The following COL4A6 variants were observed in gnomAD, a reference collection of about 807,000 sequenced individuals.
COL4A6 encodes the protein collagen type IV alpha 6 chain.
In COL4A6, 59 loss-of-function variants were observed where a neutral mutation model predicts 126.7. The ratio of observed to expected loss-of-function variants is 0.47; its 90% CI spans 0.38 to 0.58. COL4A6 has a LOEUF of 0.58. COL4A6 is among the 20% of genes least tolerant of loss of function. COL4A6 has a pLI of 0.00. For synonymous variants in COL4A6, 547 were observed against 496.6 expected (o/e 1.10, Z -1.35); for missense variants, 1,285 against 1,337.3 (o/e 0.96, Z 0.61).
chrX:108,388,517 T>C (rs1438292524), intron 2 of COL4A6, among the ~76,000 whole-genome samples: 1 of 112,226 alleles, frequency 8.9e-6, no homozygotes, highest in Non-Finnish European at 1.9e-5. Flanking sequence ...GTGTTTATAG[T>C]ATTCTCTGAC....
intron 3 of COL4A6, among the ~76,000 whole-genome samples, chrX:108,298,760 T>C (rs752907836): frequency 2.7e-4 from 30 of 109,132 alleles, no homozygotes; most frequent in Admixed American, 1.1e-3. Flanking sequence ...ACTTGCCACA[T>C]TGCAGGCTCT....
chrX:108,434,804 T>A (rs1318707162), intron 2 of COL4A6, among the ~76,000 whole-genome samples: 1 of 108,135 alleles, frequency 9.2e-6, no homozygotes, highest in East Asian at 2.8e-4. Context: ...TATACACACA[T>A]ACACACACGT....
chrX:108,371,759 T>TAAAC (rs753441227), intron 2 of COL4A6, among the ~76,000 whole-genome samples: 2 of 91,476 alleles, frequency 2.2e-5, no homozygotes, highest in East Asian at 3.5e-4. Flanking sequence ...CCTTTCTCAA[T>TAAAC]AAACAAACAA....
intron 3 of COL4A6, among the ~76,000 whole-genome samples, chrX:108,306,109 G>T (rs750774509): frequency 1.8e-5 from 2 of 112,092 alleles, no homozygotes; most frequent in African/African-American, 3.2e-5. Flanking sequence ...AGTAGGAAAA[G>T]AACTAGGAAA....
chrX:108,265,753 G>C (rs1210337354), intron 3 of COL4A6, among the ~76,000 whole-genome samples: 2 of 110,696 alleles, frequency 1.8e-5, no homozygotes, highest in African/African-American at 6.6e-5. Context: ...GCTGAGGATA[G>C]AGAGAGAGAT....
At chrX:108,365,589 T>C (rs1437446839) in intron 2 of COL4A6, among the ~76,000 whole-genome samples, 3 of 111,824 alleles carry the variant, frequency 2.7e-5, no homozygotes, top group Non-Finnish European at 5.6e-5. Flanking sequence ...TTGAAAACAA[T>C]AGTTTTCAGT....
At chrX:108,398,889 A>G (rs774670446) in intron 2 of COL4A6, among the ~76,000 whole-genome samples, 31 of 111,800 alleles carry the variant, frequency 2.8e-4, no homozygotes, top group Non-Finnish European at 4.5e-4. Context: ...TAAGAGTCAA[A>G]CAAGAGGGAA....
chrX:108,223,582 A>G (rs1286346191), intron 3 of COL4A6, among the ~76,000 whole-genome samples: 4 of 111,254 alleles, frequency 3.6e-5, no homozygotes, highest in Non-Finnish European at 5.7e-5. Context: ...TTGATTGGAA[A>G]GGTTCCAGCT....
At chrX:108,315,575 A>T (rs2038864037) in intron 2 of COL4A6, among the ~76,000 whole-genome samples, 1 of 112,154 alleles carries the variant, frequency 8.9e-6, no homozygotes, top group Admixed American at 9.4e-5. Flanking sequence ...AACCCTAAAT[A>T]TTGCTAAATA....
chrX:108,299,260 C>G (rs2038418497), intron 3 of COL4A6, among the ~76,000 whole-genome samples: 1 of 111,830 alleles, frequency 8.9e-6, no homozygotes, highest in Non-Finnish European at 1.9e-5. Context: ...GTTAATAATT[C>G]TTCAACTGAA....
chrX:108,396,735 T>C (rs2040973514), intron 2 of COL4A6, among the ~76,000 whole-genome samples: 1 of 110,868 alleles, frequency 9.0e-6, no homozygotes, highest in Non-Finnish European at 1.9e-5. Flanking sequence ...AGAAGGTGAG[T>C]CACAGGAAGA....
Position 108,310,824 on chromosome X carries a change from T to G in COL4A6, c.68A>C (p.Glu23Ala), listed in dbSNP as rs1414894180. ...CCCACATGGCTTTCCATAAGACTTC[T>G]CTCCCTATTAAAAAAAGGAAAAAGT... ...CLTEELAAAG[E>A]KSYGKPCGGQ... Residue 23 changes from glutamate (E) to alanine (A), a missense_variant, in exon 3 of 45, where the codon GAG becomes GCG. Physicochemically the swap from Glu to Ala is moderately radical, Grantham distance 107. Transcript: ENST00000334504. 1 of 1,200,219 alleles carries G rather than the reference T, an allele frequency of 8.3e-7. No homozygotes were observed. Among genetic ancestry groups the G allele is most frequent in the Admixed American group, 2.2e-5 (1 of 45,469 alleles).
intron 31 of COL4A6, among the ~76,000 whole-genome samples, chrX:108,174,233 G>A (rs187046959): frequency 6.4e-4 from 72 of 111,760 alleles, no homozygotes; most frequent in Non-Finnish European, 1.2e-3. Flanking sequence ...TGCCATTTCA[G>A]GGAGATGTGA....
intron 2 of COL4A6, among the ~76,000 whole-genome samples, chrX:108,410,039 A>G (rs1052157479): frequency 6.3e-5 from 7 of 111,750 alleles, no homozygotes; most frequent in African/African-American, 1.6e-4. Flanking sequence ...TCAGGTGGCT[A>G]TTAAGCAGCA....
intron 2 of COL4A6, among the ~76,000 whole-genome samples, chrX:108,390,265 A>G (rs1185335276): frequency 1.8e-5 from 2 of 110,631 alleles, no homozygotes; most frequent in Non-Finnish European, 3.8e-5. Context: ...CCTGAATTTG[A>G]ATGTTGGCCT....
intron 5 of COL4A6, among the ~76,000 whole-genome samples, chrX:108,218,931 G>C (rs1245936683): frequency 2.7e-5 from 3 of 111,765 alleles, no homozygotes; most frequent in Non-Finnish European, 5.6e-5. Flanking sequence ...CCAGACTATG[G>C]CTTAAATATA....
chrX:108,190,333 C>T, intron 20 of COL4A6, 59 bp downstream of exon 20: 1 of 823,526 alleles, frequency 1.2e-6, no homozygotes, highest in South Asian at 2.3e-5. Context: ...TTTCTCATTC[C>T]CCAGGAAGCC....
rs2037916061 is a variant in COL4A6, at chrX:108,283,577, AG to A, written c.144+27170del. ...CTTTGGCCAGAGGGTGATCCCCCTAAGTTTTTTTTTTGGGGGGGGGTTGGCG... is the reference window on the plus strand; with the variant it reads ...CTTTGGCCAGAGGGTGATCCCCCTAATTTTTTTTTTGGGGGGGGGTTGGCG... On this transcript the variant is annotated intron_variant, in intron 3 of 44. Transcript: ENST00000334504. Among the ~76,000 whole-genome samples the A allele has an allele frequency of 3.7e-4, 5 of 13,495 alleles. No homozygotes were observed. In the Non-Finnish European group the frequency reaches 3.9e-3, roughly 11 times the overall value. 11.7% of individuals were successfully genotyped at this position (13,495 alleles called of 115,157 possible).
chrX:108,267,924 T>G (rs1206442368), intron 3 of COL4A6: 3 of 112,949 alleles, frequency 2.7e-5, no homozygotes, highest in Non-Finnish European at 5.6e-5. Flanking sequence ...AAATAATAGT[T>G]TTCTTTTTAT....
Sources: gnomAD v4.1 joint callset for allele counts (sites outside exome capture counted in the v4.1 genomes callset) on GRCh38, gnomAD v4.1.1 for gene constraint, MANE v1.5 for transcripts, NCBI Gene and HGNC (gene_info 2026-07-23, HGNC 2026-07-21) for gene names.